GPHN: variants seen among roughly 807,000 people sequenced by gnomAD.
GPHN encodes gephyrin.
Under a neutral mutation model 95.5 loss-of-function variants are expected in GPHN, and 17 were observed. The observed-to-expected ratio is 0.18, with a 90% CI of 0.12 to 0.27. GPHN has a LOEUF of 0.27. Among genes scored for constraint, GPHN ranks in the 10% least tolerant of loss-of-function variants. The probability of loss-of-function intolerance (pLI) is 1.00; values close to 1 mark genes in which losing one functional copy is unlikely to be tolerated. For missense variants in GPHN, 660 were observed against 978.1 expected (o/e 0.67, Z 4.34); for synonymous variants, 320 against 322.5 (o/e 0.99, Z 0.08).
At chr14:67,472,448 T>C in the GPHN span, 24,381 of 152,392 alleles carry the variant, frequency 0.16, 2,827 homozygotes, top group African/African-American at 0.32. Flanking sequence ...TAACCCAGCC[T>C]GCCTGTGCAT....
chr14:66,595,726 G>A (rs1465810226), intron 1 of GPHN, among the ~76,000 whole-genome samples: 1 of 152,192 alleles, frequency 6.6e-6, no homozygotes, highest in Admixed American at 6.5e-5. Flanking sequence ...CCCATTGAGG[G>A]TGTCACAGCT....
the GPHN span, among the ~76,000 whole-genome samples, chr14:67,463,638 CAAAAAAAA>C: frequency 2.0e-4 from 11 of 54,864 alleles, no homozygotes; most frequent in East Asian, 2.0e-3. Flanking sequence ...GACTCCGTCT[CAAAAAAAA>C]AAAAAAAAAA....
chr14:66,801,257 G>A (rs958433578), intron 3 of GPHN, among the ~76,000 whole-genome samples: 2 of 152,092 alleles, frequency 1.3e-5, no homozygotes, highest in African/African-American at 4.8e-5. Context: ...GATACTTGCA[G>A]ATGTTCATCT....
intron 11 of GPHN, among the ~76,000 whole-genome samples, chr14:67,074,945 C>A (rs1014363254): frequency 6.6e-6 from 1 of 152,176 alleles, no homozygotes; most frequent in African/African-American, 2.4e-5. Context: ...GTAGAAGCAA[C>A]AGCAAGTTAT....
At chr14:66,824,387 G>C (rs988315415) in intron 3 of GPHN, 87 bp from the exon 4 acceptor site, 1 of 706,602 alleles carries the variant, frequency 1.4e-6, no homozygotes, top group Non-Finnish European at 2.6e-6. Flanking sequence ...GTGTTTCCTC[G>C]TTGAATACAA....
At chr14:67,729,432 C>G in the GPHN span, 7 of 1,545,330 alleles carry the variant, frequency 4.5e-6, no homozygotes, top group Non-Finnish European at 5.3e-6. Flanking sequence ...TGGGAGGTGC[C>G]GGACTCGCTG....
At chr14:67,052,995 A>G (rs2075372853) in intron 10 of GPHN, among the ~76,000 whole-genome samples, 1 of 151,964 alleles carries the variant, frequency 6.6e-6, no homozygotes, top group Non-Finnish European at 1.5e-5. Context: ...CAGAAAGTTA[A>G]AAGATCTCAA....
the GPHN span, among the ~76,000 whole-genome samples, chr14:67,707,160 T>A: frequency 6.6e-6 from 1 of 152,100 alleles, no homozygotes; most frequent in Non-Finnish European, 1.5e-5. Context: ...TGACTCCAAA[T>A]TAGGAAAAAT....
the GPHN span, among the ~76,000 whole-genome samples, chr14:67,305,358 C>T: frequency 6.6e-6 from 1 of 152,120 alleles, no homozygotes; most frequent in Non-Finnish European, 1.5e-5. Flanking sequence ...ACGACTCCTG[C>T]AGCCTTGACT....
intron 2 of GPHN, among the ~76,000 whole-genome samples, chr14:66,705,279 A>T (rs2068965815): frequency 6.6e-6 from 1 of 152,244 alleles, no homozygotes; most frequent in African/African-American, 2.4e-5. Context: ...TATTCCAAAC[A>T]GTTGAAAAGG....
intron 11 of GPHN, among the ~76,000 whole-genome samples, chr14:67,076,380 G>A (rs957308092): frequency 6.6e-6 from 1 of 152,112 alleles, no homozygotes; most frequent in Non-Finnish European, 1.5e-5. Flanking sequence ...GTAAATCACT[G>A]TACTGCAATA....
the GPHN span, chr14:67,724,443 A>G: frequency 7.3e-7 from 1 of 1,366,672 alleles, no homozygotes; most frequent in Non-Finnish European, 1.0e-6. Flanking sequence ...GAAGGATGGT[A>G]CGTGATGCTC....
chr14:66,635,230 T>C (rs997613287), intron 1 of GPHN, among the ~76,000 whole-genome samples: 1 of 152,192 alleles, frequency 6.6e-6, no homozygotes, highest in African/African-American at 2.4e-5. Flanking sequence ...AGACAAATCC[T>C]TAGATGTTAC....
the GPHN span, among the ~76,000 whole-genome samples, chr14:67,655,636 C>T: frequency 1.3e-5 from 2 of 151,694 alleles, no homozygotes; most frequent in African/African-American, 4.9e-5. Flanking sequence ...ATCTGGAAAA[C>T]AGCCTTGGCT....
At chr14:67,692,185 T>C in the GPHN span, 1 of 438,048 alleles carries the variant, frequency 2.3e-6, no homozygotes. Flanking sequence ...TACTGAGTGC[T>C]GAGACTCCCA....
At chr14:66,895,473 A>C (rs768596656) in intron 5 of GPHN, among the ~76,000 whole-genome samples, 12 of 152,180 alleles carry the variant, frequency 7.9e-5, no homozygotes, top group Non-Finnish European at 1.5e-4. Flanking sequence ...AAACCTGCAC[A>C]TTGTGCACAT....
chr14:67,301,595 T>G, the GPHN span: 1 of 508,968 alleles, frequency 2.0e-6, no homozygotes, highest in Non-Finnish European at 3.4e-6. Flanking sequence ...CAACCCCATC[T>G]ATAACATAGT....
the GPHN span, chr14:67,571,415 A>G: frequency 4.3e-6 from 1 of 233,726 alleles, no homozygotes; most frequent in African/African-American, 2.2e-5. Context: ...GTCCCCACAC[A>G]TTTTTAAAGC....
At chr14:66,548,531 T>G (rs1296052842) in intron 1 of GPHN, among the ~76,000 whole-genome samples, 1 of 152,226 alleles carries the variant, frequency 6.6e-6, no homozygotes, top group Non-Finnish European at 1.5e-5. Flanking sequence ...TATAATATGG[T>G]GAACATAATA....
Sources: allele counts gnomAD v4.1 joint callset (sites outside exome capture counted in the v4.1 genomes callset), GRCh38; gene constraint gnomAD v4.1.1; transcripts MANE v1.5; gene names NCBI Gene and HGNC (gene_info 2026-07-23, HGNC 2026-07-21).